Variants in PGM1 observed in about 807,000 individuals in gnomAD.
PGM1 encodes the protein phosphoglucomutase-1.
A neutral mutation model predicts 55.6 loss-of-function variants in PGM1; 52 were observed. That is an observed-to-expected ratio of 0.94 (90% CI 0.75 to 1.18). PGM1 has a LOEUF of 1.18. Among genes scored for constraint, PGM1 ranks in the 50% most tolerant of loss-of-function variants. The pLI is 0.00. For missense variants in PGM1, 724 were observed against 729.3 expected (o/e 0.99, Z 0.08); for synonymous variants, 287 against 271.7 (o/e 1.06, Z -0.55).
At chr1:63,602,271 C>T (rs1648264949) in intron 1 of PGM1, among the ~76,000 whole-genome samples, 1 of 152,146 alleles carries the variant, frequency 6.6e-6, no homozygotes, top group Admixed American at 6.5e-5. Context: ...AAAAGGACCC[C>T]AAACAGAAGA....
In PGM1 at chr1:63,634,835, G is replaced by A; in HGVS notation, c.689G>A (p.Gly230Glu). Residue 230 changes from glycine (G) to glutamate (E), a missense_variant, in exon 5 of 11, where the codon GGA (glycine) becomes GAA (glutamate). By Grantham distance (98) the Gly-to-Glu change is moderately conservative. Coordinates refer to ENST00000371084, the MANE Select transcript of PGM1 (RefSeq NM_002633.3). ...IRIDAMHGVV[G>E]PYVKKILCEE... ...TATTCCATGCTGTATATAGTTGTGG[G>A]ACCGTATGTAAAGAAGATCCTCTGT... 6.2e-7 allele frequency: 1 copy of A among 1,612,444 alleles called. No individual in the cohort carries two copies. The highest frequency in any genetic ancestry group is 1.3e-5 in the African/African-American group (1 of 74,966).
At chr1:63,641,673 C>T (rs576792054) in intron 7 of PGM1, among the ~76,000 whole-genome samples, 4 of 152,290 alleles carry the variant, frequency 2.6e-5, no homozygotes, top group Admixed American at 2.6e-4. Flanking sequence ...GCTCTTGTGG[C>T]ACCATGTACC....
At chr1:63,629,691 G>A in intron 2 of PGM1, 104 bp downstream of exon 2, 1 of 1,157,248 alleles carries the variant, frequency 8.6e-7, no homozygotes, top group East Asian at 2.4e-5. Context: ...TCCTTTGCAG[G>A]GGGTAGGGAG....
At chr1:63,632,955 G>A (rs573695608) in intron 4 of PGM1, among the ~76,000 whole-genome samples, 170 of 152,258 alleles carry the variant, frequency 1.1e-3, no homozygotes, top group African/African-American at 3.9e-3. Context: ...TCCGGAAGGC[G>A]GAAGTTGTAG....
chr1:63,594,539 G>GC (rs1170438517), intron 1 of PGM1, among the ~76,000 whole-genome samples: 1 of 151,926 alleles, frequency 6.6e-6, no homozygotes, highest in East Asian at 1.9e-4. Flanking sequence ...GGAAATTACC[G>GC]CAACACCTTG....
Position 63,622,980 on chromosome 1 carries a change from A to G in PGM1, c.247-6445A>G, listed in dbSNP as rs72920859. 0.044 allele frequency: 6,887 copies of G among 155,530 alleles called. 537 individuals carry two copies. Among genetic ancestry groups the G allele is most frequent in the African/African-American group, 0.16 (6,443 of 41,540 alleles). 9.6% of individuals were successfully genotyped at this position (155,530 alleles called of 1,614,324 possible). ...GCCCAGAGAGGCTCTGGTTTAAGGG[A>G]TGGCAGGAGCAGTGAGAGCCACACC... On this transcript the variant is annotated intron_variant, in intron 1 of 10. Coordinates refer to ENST00000371084, the MANE Select transcript of PGM1 (RefSeq NM_002633.3).
chr1:63,593,828 C>T, intron 1 of PGM1, 94 bp downstream of exon 1: 9 of 1,317,384 alleles, frequency 6.8e-6, no homozygotes, highest in Non-Finnish European at 8.6e-6. Context: ...CGGCCGCTTC[C>T]GCGCGCTGCC....
intron 7 of PGM1, among the ~76,000 whole-genome samples, chr1:63,646,787 C>G (rs937923930): frequency 6.6e-6 from 1 of 152,028 alleles, no homozygotes; most frequent in African/African-American, 2.4e-5. Flanking sequence ...AAAATAACAC[C>G]AGCTTTTTAT....
chr1:63,603,711 G>A (rs1648305428), intron 1 of PGM1, among the ~76,000 whole-genome samples: 1 of 152,120 alleles, frequency 6.6e-6, no homozygotes, highest in Admixed American at 6.5e-5. Flanking sequence ...AAGTCCCATA[G>A]GAAAGTACCA....
At chr1:63,642,418 G>A (rs971492850) in intron 7 of PGM1, among the ~76,000 whole-genome samples, 1 of 152,156 alleles carries the variant, frequency 6.6e-6, no homozygotes, top group African/African-American at 2.4e-5. Context: ...AACTGGACAG[G>A]ATAAGCCTGT....
At chr1:63,626,978 G>C (rs779673033) in intron 1 of PGM1, among the ~76,000 whole-genome samples, 12 of 149,226 alleles carry the variant, frequency 8.0e-5, no homozygotes, top group Non-Finnish European at 1.3e-4. Context: ...TTTGTCTTTT[G>C]TGACAAATGC....
chr1:63,639,328 C>T (rs1358058109), intron 7 of PGM1, among the ~76,000 whole-genome samples: 1 of 152,068 alleles, frequency 6.6e-6, no homozygotes, highest in Non-Finnish European at 1.5e-5. Flanking sequence ...AAAAATACAT[C>T]GTTGTGCCTG....
chr1:63,636,113 A>G (rs1649354482), intron 5 of PGM1, 121 bp from the exon 6 acceptor site: 2 of 961,974 alleles, frequency 2.1e-6, no homozygotes, highest in South Asian at 2.7e-5. Flanking sequence ...AAAATGCAGT[A>G]TGGAAAGGAG....
intron 1 of PGM1, among the ~76,000 whole-genome samples, chr1:63,625,936 T>G (rs1309998625): frequency 6.6e-6 from 1 of 152,220 alleles, no homozygotes; most frequent in African/African-American, 2.4e-5. Context: ...TGTGCATGAT[T>G]ACAGGACAAA....
intron 1 of PGM1, among the ~76,000 whole-genome samples, chr1:63,620,271 A>G (rs1277676676): frequency 2.6e-5 from 4 of 152,162 alleles, no homozygotes; most frequent in Non-Finnish European, 5.9e-5. Context: ...CTACCTGCTT[A>G]GTTACTGGTG....
chr1:63,628,888 A>G (rs761913152), intron 1 of PGM1, among the ~76,000 whole-genome samples: 15 of 152,212 alleles, frequency 9.9e-5, no homozygotes, highest in Non-Finnish European at 2.1e-4. Context: ...GAAACCCACT[A>G]TATGAAAAAG....
chr1:63,636,383 G>A lies in PGM1; in HGVS notation c.1023G>A (p.Leu341=), dbSNP rs750218135. The change falls in exon 6 of 11, where the codon CTG becomes CTA. Residue 341 remains leucine, a synonymous_variant. Transcript: ENST00000371084. The part of the protein sequence containing the change: ...FARSMPTSGA[L]DRVASATKIA... Reference sequence around the variant, plus strand: ...GGAGCATGCCCACGAGTGGTGCTCTGGACCGGTAGGTGTCTCCATTCCCTT... The same window carrying A: ...GGAGCATGCCCACGAGTGGTGCTCTAGACCGGTAGGTGTCTCCATTCCCTT... 95 of 1,613,878 alleles carry A rather than the reference G, an allele frequency of 5.9e-5. No individual in the cohort carries two copies. Among genetic ancestry groups the A allele is most frequent in the Non-Finnish European group, 7.8e-5 (92 of 1,179,992 alleles).
intron 1 of PGM1, among the ~76,000 whole-genome samples, chr1:63,597,235 G>T (rs1648103178): frequency 6.6e-6 from 1 of 152,162 alleles, no homozygotes; most frequent in South Asian, 2.1e-4. Flanking sequence ...ATGACTTGGA[G>T]TTCCCAGAGT....
At chr1:63,604,917 CTGTGTGTGTGT>C (rs1396424269) in intron 1 of PGM1, among the ~76,000 whole-genome samples, 26 of 118,836 alleles carry the variant, frequency 2.2e-4, no homozygotes, top group Middle Eastern at 8.2e-3. Flanking sequence ...TTACATAACT[CTGTGTGTGTGT>C]GTGTGTGTGT....
Sources: allele counts gnomAD v4.1 joint callset (sites outside exome capture counted in the v4.1 genomes callset), GRCh38; gene constraint gnomAD v4.1.1; transcripts MANE v1.5; gene names NCBI Gene and HGNC (gene_info 2026-07-23, HGNC 2026-07-21).